DOCK3: variants seen among roughly 807,000 people sequenced by gnomAD.
DOCK3 encodes dedicator of cytokinesis 3.
DOCK3 carries 60 observed loss-of-function variants against 265.6 expected under a neutral mutation model. That is an observed-to-expected ratio of 0.23 (90% confidence interval 0.18 to 0.28). The LOEUF (loss-of-function observed/expected upper bound fraction) is 0.28. Among genes scored for constraint, DOCK3 ranks in the 10% least tolerant of loss-of-function variants. The pLI is 1.00. For missense variants in DOCK3, 1,981 were observed against 2,594.3 expected, an observed-to-expected ratio of 0.76 and a Z score of 5.14; for synonymous variants, 881 against 938.0, an observed-to-expected ratio of 0.94 and a Z score of 1.11.
intron 25 of DOCK3, chr3:51,276,281 G>T: frequency 1.2e-6 from 1 of 808,682 alleles, no homozygotes; most frequent in Non-Finnish European, 1.5e-6. Flanking sequence ...CTCCAGGTAA[G>T]ACTTGGCAGC....
chr3:51,181,625 A>G (rs1471503967), intron 12 of DOCK3, among the ~76,000 whole-genome samples: 1 of 152,210 alleles, frequency 6.6e-6, no homozygotes, highest in Admixed American at 6.5e-5. Flanking sequence ...TATAAACAGT[A>G]TATTTATTGT....
intron 1 of DOCK3, among the ~76,000 whole-genome samples, chr3:50,714,151 T>G (rs2036953088): frequency 6.6e-6 from 1 of 152,102 alleles, no homozygotes; most frequent in South Asian, 2.1e-4. Flanking sequence ...ACCACCATGC[T>G]GGGCAGAATC....
At chr3:50,778,285 A>T (rs551940904) in intron 1 of DOCK3, among the ~76,000 whole-genome samples, 1 of 152,206 alleles carries the variant, frequency 6.6e-6, no homozygotes, top group African/African-American at 2.4e-5. Flanking sequence ...GATTCTTTTA[A>T]AAAATATCTA....
intron 3 of DOCK3, 112 bp from the exon 4 acceptor site, chr3:50,889,914 T>G (rs1472060965): frequency 2.5e-6 from 2 of 802,870 alleles, no homozygotes; most frequent in African/African-American, 3.7e-5. Flanking sequence ...GTGGTTGCTG[T>G]AGCAGGAGAT....
intron 3 of DOCK3, among the ~76,000 whole-genome samples, chr3:50,846,214 A>T (rs1239978905): frequency 6.6e-6 from 1 of 152,240 alleles, no homozygotes; most frequent in Non-Finnish European, 1.5e-5. Flanking sequence ...CAAGGAGAAC[A>T]TTTTTTAAAA....
In DOCK3 at chr3:50,974,953, G is replaced by A. The variant is rs955213616; in HGVS notation, c.315+40876G>A. On this transcript the variant is annotated intron_variant, in intron 5 of 52. Coordinates refer to ENST00000266037, the MANE Select transcript of DOCK3 (RefSeq NM_004947.5). ...TTGGCTCTCTGTTTGTCTGTTGTTG[G>A]TGTATAAGAATGCTTGTGATTTTTG... Among the ~76,000 whole-genome samples the A allele has an allele frequency of 2.0e-3, 278 of 140,320 alleles. 2 individuals are homozygous for A. Among genetic ancestry groups the A allele is most frequent in the African/African-American group, 6.9e-3 (262 of 38,196 alleles). The allele number at this position is 140,320 out of a possible 152,430, so 92.1% of individuals were successfully genotyped here.
intron 2 of DOCK3, among the ~76,000 whole-genome samples, chr3:50,815,597 G>C (rs999659608): frequency 2.6e-5 from 4 of 151,688 alleles, no homozygotes; most frequent in Non-Finnish European, 5.9e-5. Context: ...AGTTTCCTAA[G>C]AGAAAAATGT....
intron 5 of DOCK3, among the ~76,000 whole-genome samples, chr3:51,019,236 C>T (rs1006452957): frequency 4.6e-5 from 7 of 151,746 alleles, no homozygotes; most frequent in African/African-American, 1.7e-4. Flanking sequence ...CACTTAGAAA[C>T]TTTATTGTTT....
intron 49 of DOCK3, among the ~76,000 whole-genome samples, chr3:51,372,620 G>A (rs2110509673): frequency 6.6e-6 from 1 of 152,336 alleles, no homozygotes; most frequent in Non-Finnish European, 1.5e-5. Flanking sequence ...GACAACCTGA[G>A]CAAGACAGTA....
intron 1 of DOCK3, among the ~76,000 whole-genome samples, chr3:50,691,099 G>A (rs1477084049): frequency 3.3e-5 from 5 of 151,592 alleles, no homozygotes; most frequent in African/African-American, 7.3e-5. Context: ...TGGCTAACAC[G>A]GTGAAACCTC....
intron 51 of DOCK3, among the ~76,000 whole-genome samples, chr3:51,376,304 T>G (rs1410380253): frequency 6.6e-6 from 1 of 152,146 alleles, no homozygotes; most frequent in African/African-American, 2.4e-5. Flanking sequence ...GACAGGCTTC[T>G]CCAAGTGAAG....
At chr3:50,899,106 G>A (rs1263887284) in intron 4 of DOCK3, among the ~76,000 whole-genome samples, 1 of 152,142 alleles carries the variant, frequency 6.6e-6, no homozygotes, top group African/African-American at 2.4e-5. Context: ...TATTGTGTGG[G>A]AGTCTAAGTC....
At chr3:50,934,216 C>T (rs1434892281) in intron 5 of DOCK3, 139 bp downstream of exon 5, 1 of 632,600 alleles carries the variant, frequency 1.6e-6, no homozygotes, top group Non-Finnish European at 2.6e-6. Flanking sequence ...TTTACTGAAA[C>T]ATAGCAGACT....
At chr3:51,122,591 T>C (rs77009947) in intron 9 of DOCK3, among the ~76,000 whole-genome samples, 2,668 of 152,350 alleles carry the variant, frequency 0.018, 55 homozygotes, top group African/African-American at 0.043. Flanking sequence ...CATTGAGAAA[T>C]GTGTGAAGTA....
intron 4 of DOCK3, among the ~76,000 whole-genome samples, chr3:50,929,822 T>C (rs2050960310): frequency 6.6e-6 from 1 of 152,250 alleles, no homozygotes; most frequent in Non-Finnish European, 1.5e-5. Flanking sequence ...ATCTAGCTGA[T>C]TTTGACATTT....
chr3:50,983,120 C>T (rs1433413713), intron 5 of DOCK3, among the ~76,000 whole-genome samples: 1 of 152,206 alleles, frequency 6.6e-6, no homozygotes, highest in Non-Finnish European at 1.5e-5. Flanking sequence ...TACCAGACCT[C>T]TGCTGCCTCG....
intron 14 of DOCK3, among the ~76,000 whole-genome samples, chr3:51,224,069 A>G (rs2090216145): frequency 6.6e-6 from 1 of 152,242 alleles, no homozygotes; most frequent in African/African-American, 2.4e-5. Flanking sequence ...CTACATATGC[A>G]ACAGTGGCAT....
At chr3:51,097,501 G>A (rs975451445) in intron 9 of DOCK3, among the ~76,000 whole-genome samples, 24 of 152,174 alleles carry the variant, frequency 1.6e-4, no homozygotes, top group African/African-American at 5.5e-4. Context: ...TGCTCTGCTG[G>A]TAGCGAGAAT....
intron 29 of DOCK3, 120 bp downstream of exon 29, chr3:51,312,199 T>C (rs1576758891): frequency 6.4e-6 from 6 of 936,722 alleles, no homozygotes; most frequent in East Asian, 5.3e-5. Context: ...CCAAGCCTGA[T>C]GATGATTAGA....
Sources: allele counts gnomAD v4.1 joint callset (sites outside exome capture counted in the v4.1 genomes callset), GRCh38; gene constraint gnomAD v4.1.1; transcripts MANE v1.5; gene names NCBI Gene and HGNC (gene_info 2026-07-23, HGNC 2026-07-21).